PACS1: variants seen among roughly 807,000 people sequenced by gnomAD.
PACS1 encodes the protein phosphofurin acidic cluster sorting protein 1.
In PACS1, 24 loss-of-function variants were observed where a neutral mutation model predicts 115.0. The ratio of observed to expected loss-of-function variants is 0.21; its 90% CI spans 0.15 to 0.29. The LOEUF is 0.29. Among genes scored for constraint, PACS1 ranks in the 10% least tolerant of loss-of-function variants. The pLI, the probability that PACS1 is intolerant of heterozygous loss-of-function variation, is 1.00. For synonymous variants in PACS1, 453 were observed against 504.5 expected, an observed-to-expected ratio of 0.90 and a Z score of 1.37; for missense variants, 838 against 1,251.2, an observed-to-expected ratio of 0.67 and a Z score of 4.98.
intron 10 of PACS1, among the ~76,000 whole-genome samples, chr11:66,224,632 G>T (rs1855436127): frequency 6.6e-6 from 1 of 152,138 alleles, no homozygotes; most frequent in Admixed American, 6.5e-5. Flanking sequence ...CCACGTTTCA[G>T]ACTCACTTTG....
intron 1 of PACS1, chr11:66,100,969 A>T: frequency 2.2e-6 from 1 of 454,476 alleles, no homozygotes; most frequent in Admixed American, 2.4e-5. Context: ...GGAGAGTCAC[A>T]TGGCCTCATT....
At chr11:66,094,955 A>T (rs1238793675) in intron 1 of PACS1, among the ~76,000 whole-genome samples, 2 of 150,926 alleles carry the variant, frequency 1.3e-5, no homozygotes, top group South Asian at 4.2e-4. Context: ...CCACATGATT[A>T]TCTCAATAGA....
rs369629478 is a variant in PACS1 at position 66,148,701 on chromosome 11, G to A, written c.357-44785G>A. Among the ~76,000 whole-genome samples the A allele has an allele frequency of 1.5e-3, 221 of 152,212 alleles. 2 individuals are homozygous for A. The highest frequency in any genetic ancestry group is 4.3e-3 in the African/African-American group (177 of 41,544). ...AGCACTTTGGGAGGCCAAGGAGGGC[G>A]GATCACTTGAGGTCAGGAGTTCAAG... On this transcript the variant is annotated intron_variant, in intron 1 of 23. Transcript: ENST00000320580.
Position 66,244,532 on chromosome 11 carries a change from C to T in PACS1, c.*1252C>T, listed in dbSNP as rs965015462. 2 of 152,358 alleles carry T rather than the reference C, an allele frequency of 1.3e-5. No individual in the cohort carries two copies. Among genetic ancestry groups the T allele is most frequent in the African/African-American group, 4.8e-5 (2 of 41,444 alleles). The allele number at this position is 152,358 out of a possible 1,614,324, so 9.4% of individuals were successfully genotyped here. Reference sequence around the variant, plus strand: ...AGCCCCTTTGGAGCTTTTCTCTTGTCCTCTCACTCCTTCCCAGAAGTTTTT... The same window carrying T: ...AGCCCCTTTGGAGCTTTTCTCTTGTTCTCTCACTCCTTCCCAGAAGTTTTT... On this transcript the variant is annotated 3_prime_UTR_variant, in exon 24 of 24. Coordinates refer to ENST00000320580, the MANE Select transcript of PACS1 (RefSeq NM_018026.4).
At chr11:66,074,878 C>T (rs1173799315) in intron 1 of PACS1, among the ~76,000 whole-genome samples, 1 of 151,002 alleles carries the variant, frequency 6.6e-6, no homozygotes, top group African/African-American at 2.4e-5. Context: ...ACTCTATCTT[C>T]TTACTATATA....
chr11:66,112,700 G>T (rs1858216706), intron 1 of PACS1, among the ~76,000 whole-genome samples: 1 of 152,128 alleles, frequency 6.6e-6, no homozygotes, highest in Non-Finnish European at 1.5e-5. Flanking sequence ...CCAGTGCCAG[G>T]GGTCGAGTTG....
intron 1 of PACS1, among the ~76,000 whole-genome samples, chr11:66,167,121 A>G (rs1182333319): frequency 2.0e-5 from 3 of 150,074 alleles, no homozygotes; most frequent in Non-Finnish European, 2.9e-5. Context: ...TTTGATTTCA[A>G]TTTGCATTTC....
rs879439416 is a variant in PACS1 at position 66,204,989 on chromosome 11, C to CT, written c.445-5361dup. On this transcript the variant is annotated intron_variant, in intron 2 of 23. Transcript: ENST00000320580. ...AAACCCCATCTCTATTTTTTAAAAA[C>CT]TTTTTTTTTTTTGAAACGGAGTTTC... Among the ~76,000 whole-genome samples the CT allele has an allele frequency of 3.1e-3, 457 of 146,396 alleles. 3 individuals carry two copies. The highest frequency in any genetic ancestry group is 5.2e-3 in the Non-Finnish European group (342 of 66,066).
At chr11:66,108,235 G>A (rs763086645) in intron 1 of PACS1, among the ~76,000 whole-genome samples, 13 of 152,118 alleles carry the variant, frequency 8.5e-5, no homozygotes, top group East Asian at 3.9e-4. Context: ...GGCTGCAGAC[G>A]GGCACATTCT....
chr11:66,091,003 C>A (rs1003346274), intron 1 of PACS1, among the ~76,000 whole-genome samples: 2 of 152,066 alleles, frequency 1.3e-5, no homozygotes, highest in African/African-American at 2.4e-5. Context: ...AATATGATTT[C>A]TCCACCCCAG....
chr11:66,157,847 GA>G (rs35418819), intron 1 of PACS1, among the ~76,000 whole-genome samples: 128 of 147,674 alleles, frequency 8.7e-4, no homozygotes, highest in African/African-American at 2.3e-3. Flanking sequence ...TAGCCTATGG[GA>G]AAAAAAAAAA....
chr11:66,079,523 T>C (rs1440881331), intron 1 of PACS1, among the ~76,000 whole-genome samples: 5 of 152,106 alleles, frequency 3.3e-5, no homozygotes, highest in African/African-American at 9.7e-5. Context: ...CTCAAACACA[T>C]TGCATTGTAA....
At chr11:66,110,150 G>C (rs1267732928) in intron 1 of PACS1, among the ~76,000 whole-genome samples, 1 of 152,118 alleles carries the variant, frequency 6.6e-6, no homozygotes, top group Non-Finnish European at 1.5e-5. Flanking sequence ...AAAGCATTGA[G>C]ATTGAGGGAG....
At chr11:66,165,640 A>G (rs1341076028) in intron 1 of PACS1, among the ~76,000 whole-genome samples, 1 of 152,084 alleles carries the variant, frequency 6.6e-6, no homozygotes, top group Non-Finnish European at 1.5e-5. Flanking sequence ...CAGCACCACC[A>G]TCCATCCACC....
intron 7 of PACS1, among the ~76,000 whole-genome samples, chr11:66,219,116 G>C (rs1855280941): frequency 6.6e-6 from 1 of 152,038 alleles, no homozygotes; most frequent in Non-Finnish European, 1.5e-5. Flanking sequence ...TGTGGAGGGA[G>C]AAAGACCAGA....
chr11:66,198,039 T>C (rs528006823), intron 2 of PACS1, among the ~76,000 whole-genome samples: 34 of 152,352 alleles, frequency 2.2e-4, no homozygotes, highest in African/African-American at 7.7e-4. Flanking sequence ...TACACTGCTG[T>C]TGGGAATGTA....
chr11:66,193,357 G>A, intron 1 of PACS1, 129 bp from the exon 2 acceptor site: 1 of 606,800 alleles, frequency 1.6e-6, no homozygotes, highest in Non-Finnish European at 3.1e-6. Flanking sequence ...TGAGAGAGGG[G>A]ACCCCTGGGA....
At chr11:66,093,157 G>A (rs1565103276) in intron 1 of PACS1, among the ~76,000 whole-genome samples, 1 of 152,170 alleles carries the variant, frequency 6.6e-6, no homozygotes, top group Non-Finnish European at 1.5e-5. Flanking sequence ...AGCATGGAAT[G>A]TTCTTCTATT....
chr11:66,077,951 C>T (rs2134496875), intron 1 of PACS1, among the ~76,000 whole-genome samples: 1 of 152,254 alleles, frequency 6.6e-6, no homozygotes, highest in East Asian at 1.9e-4. Flanking sequence ...ATTCACCTAC[C>T]TCAGCCTCCC....
Sources: gnomAD v4.1 joint callset for allele counts (sites outside exome capture counted in the v4.1 genomes callset) on GRCh38, gnomAD v4.1.1 for gene constraint, MANE v1.5 for transcripts, NCBI Gene and HGNC (gene_info 2026-07-23, HGNC 2026-07-21) for gene names.